Variants in MROH2B observed in about 807,000 individuals in gnomAD.
MROH2B encodes the protein maestro heat like repeat family member 2B, also known as maestro heat-like repeat-containing protein family member 2B.
In MROH2B, 177 loss-of-function variants were observed where a neutral mutation model predicts 208.6. The observed-to-expected ratio is 0.85, with a 90% confidence interval of 0.75 to 0.96. The LOEUF (loss-of-function observed/expected upper bound fraction) is 0.96. Among genes scored for constraint, MROH2B ranks in the 40% least tolerant of loss-of-function variants. MROH2B has a pLI of 0.00. For synonymous variants in MROH2B, 728 were observed against 659.0 expected (o/e 1.10, Z -1.60); for missense variants, 2,002 against 1,878.7 (o/e 1.07, Z -1.21).
At chr5:41,008,200 T>G (rs186976954) in intron 33 of MROH2B, among the ~76,000 whole-genome samples, 1 of 152,232 alleles carries the variant, frequency 6.6e-6, no homozygotes, top group Non-Finnish European at 1.5e-5. Context: ...GTTTTCTCAA[T>G]GGTATGCAAA....
chr5:41,017,772 G>C, intron 28 of MROH2B, 78 bp downstream of exon 28: 2 of 1,469,812 alleles, frequency 1.4e-6, no homozygotes, highest in South Asian at 2.7e-5. Flanking sequence ...AGAGACATAG[G>C]TGCATAAGGA....
intron 4 of MROH2B, among the ~76,000 whole-genome samples, chr5:41,065,108 G>A (rs777429791): frequency 6.6e-6 from 1 of 152,208 alleles, no homozygotes; most frequent in Non-Finnish European, 1.5e-5. Context: ...GAAGGGGAAG[G>A]TGAGGATGGG....
At chr5:41,060,193 C>T (rs555381474) in intron 6 of MROH2B, among the ~76,000 whole-genome samples, 1 of 152,230 alleles carries the variant, frequency 6.6e-6, no homozygotes, top group East Asian at 1.9e-4. Flanking sequence ...CTGATCAGTT[C>T]CACGAACACT....
At position 41,032,665 on chromosome 5, in the gene MROH2B, C is replaced by A. The variant is rs975423216; in HGVS notation, c.2441+77G>T. 2.2e-5 allele frequency: 27 copies of A among 1,238,574 alleles called. No homozygotes were observed. The South Asian group carries it at 3.5e-4, about 16-fold the overall frequency. 76.7% of individuals were successfully genotyped at this position (1,238,574 alleles called of 1,614,324 possible). On this transcript the variant is annotated intron_variant, in intron 24 of 41. Transcript: ENST00000399564. ...TTGGGAGTGTGTACTGAAGTCTGCA[C>A]TAACAGATGTTAGTTGATCAGGAGG... is the stretch of plus-strand genomic sequence containing the variant.
intron 6 of MROH2B, among the ~76,000 whole-genome samples, chr5:41,059,109 C>A (rs1159119166): frequency 6.6e-5 from 10 of 151,284 alleles, no homozygotes; most frequent in South Asian, 2.1e-4. Flanking sequence ...CTAACTATTA[C>A]CCCCACCTGA....
intron 21 of MROH2B, among the ~76,000 whole-genome samples, chr5:41,038,380 A>G (rs1742829668): frequency 1.3e-5 from 2 of 152,300 alleles, no homozygotes; most frequent in South Asian, 4.1e-4. Flanking sequence ...GTGGTAGGAC[A>G]TGAACCGCTC....
chr5:41,060,897 A>G (rs560082644), intron 6 of MROH2B, among the ~76,000 whole-genome samples: 1 of 152,388 alleles, frequency 6.6e-6, no homozygotes, highest in African/African-American at 2.4e-5. Context: ...AAACTAAACT[A>G]GAGAAAGCTG....
Position 41,009,836 on chromosome 5 carries a change from A to C in MROH2B, c.3293+86T>G. ...GAGCTATTTTCAACCTTTGTTTGCT[A>C]TCTTGCTCTCAAACCGTAAATCCCT... On this transcript the variant is annotated intron_variant, in intron 31 of 41. Coordinates refer to ENST00000399564, the MANE Select transcript of MROH2B (RefSeq NM_173489.5). The C allele has an allele frequency of 2.2e-6, 3 of 1,349,218 alleles. No homozygotes were observed. The East Asian group carries it at 7.0e-5, about 31-fold the overall frequency. The allele number at this position is 1,349,218 out of a possible 1,614,324, so 83.6% of individuals were successfully genotyped here.
At chr5:41,010,110 A>T (rs764334708) in intron 30 of MROH2B, 31 bp from the exon 31 acceptor site, 1 of 1,607,022 alleles carries the variant, frequency 6.2e-7, no homozygotes, top group East Asian at 2.2e-5. Flanking sequence ...TCAAACATTA[A>T]GTTGCCATTT....
At chr5:41,012,068 C>T (rs1028702434) in intron 30 of MROH2B, among the ~76,000 whole-genome samples, 3 of 152,186 alleles carry the variant, frequency 2.0e-5, no homozygotes, top group African/African-American at 7.2e-5. Context: ...AACCAAGCTT[C>T]CTGAATTTAA....
chr5:41,008,850 C>T (rs887809705), intron 32 of MROH2B, 57 bp from the exon 33 acceptor site: 4 of 1,502,368 alleles, frequency 2.7e-6, no homozygotes, highest in Non-Finnish European at 3.6e-6. Flanking sequence ...AGGCCATCTT[C>T]TCTCTGGGCT....
chr5:41,041,338 C>T (rs1309655060), intron 19 of MROH2B, among the ~76,000 whole-genome samples: 1 of 152,014 alleles, frequency 6.6e-6, no homozygotes, highest in East Asian at 1.9e-4. Context: ...TAAAAATACA[C>T]ATCTTCAGCG....
chr5:41,054,928 CA>C, intron 10 of MROH2B, 88 bp from the exon 11 acceptor site: 3 of 857,582 alleles, frequency 3.5e-6, no homozygotes, highest in Non-Finnish European at 5.2e-6. Flanking sequence ...AGAATTATGG[CA>C]CATAATTGTG....
intron 37 of MROH2B, among the ~76,000 whole-genome samples, chr5:41,001,768 A>C (rs186627794): frequency 3.3e-5 from 5 of 152,180 alleles, no homozygotes; most frequent in Non-Finnish European, 5.9e-5. Context: ...TGGTGGAGGA[A>C]GATGGCCTCC....
intron 35 of MROH2B, chr5:41,005,130 C>T (rs973378105): frequency 6.7e-6 from 4 of 593,768 alleles, no homozygotes; most frequent in African/African-American, 3.7e-5. Context: ...GATGTAAACC[C>T]GGTTACCTGC....
At chr5:41,056,437 A>G (rs972010052) in intron 9 of MROH2B, among the ~76,000 whole-genome samples, 3 of 152,136 alleles carry the variant, frequency 2.0e-5, no homozygotes, top group Admixed American at 6.5e-5. Context: ...ATGCATACAC[A>G]TGACAGAAAG....
intron 5 of MROH2B, among the ~76,000 whole-genome samples, chr5:41,062,711 C>T (rs1561307936): frequency 6.6e-6 from 1 of 152,138 alleles, no homozygotes; most frequent in Non-Finnish European, 1.5e-5. Context: ...CTGGAAAGGA[C>T]CCTGAGCATG....
intron 29 of MROH2B, 23 bp downstream of exon 29, chr5:41,015,358 C>G: frequency 6.3e-7 from 1 of 1,591,782 alleles, no homozygotes; most frequent in Non-Finnish European, 8.6e-7. Flanking sequence ...CTTTACATCC[C>G]CTGGCCACTC....
intron 33 of MROH2B, among the ~76,000 whole-genome samples, chr5:41,007,726 C>T (rs1007101814): frequency 6.6e-6 from 1 of 152,138 alleles, no homozygotes; most frequent in African/African-American, 2.4e-5. Flanking sequence ...GTGAAAAATA[C>T]CATATTTCAC....
Sources: allele counts gnomAD v4.1 joint callset (sites outside exome capture counted in the v4.1 genomes callset), GRCh38; gene constraint gnomAD v4.1.1; transcripts MANE v1.5; gene names NCBI Gene and HGNC (gene_info 2026-07-23, HGNC 2026-07-21).